SPTA1: variants seen among roughly 807,000 people sequenced by gnomAD.
SPTA1 encodes the protein spectrin alpha, erythrocytic 1.
SPTA1 carries 177 observed loss-of-function variants against 324.7 expected under a neutral mutation model. The ratio of observed to expected loss-of-function variants is 0.55; its 90% CI spans 0.48 to 0.62. SPTA1 has a LOEUF of 0.62. Among genes scored for constraint, SPTA1 ranks in the 20% least tolerant of loss-of-function variants. The probability of loss-of-function intolerance (pLI) is 0.00; values close to 1 mark genes in which losing one functional copy is unlikely to be tolerated. For missense variants in SPTA1, 3,162 were observed against 2,883.6 expected, an observed-to-expected ratio of 1.10 and a Z score of -2.21; for synonymous variants, 1,195 against 1,041.3, an observed-to-expected ratio of 1.15 and a Z score of -2.84.
Position 158,642,861 on chromosome 1 carries a change from G to T in SPTA1, c.4558C>A (p.Leu1520Met), listed in dbSNP as rs769304245. 5.0e-6 allele frequency: 8 copies of T among 1,613,756 alleles called. No individual in the cohort carries two copies. In the East Asian group the frequency reaches 1.6e-4, roughly 31 times the overall value. The change falls in exon 32 of 52, where the codon CTG becomes ATG. Residue 1520 changes from leucine (L) to methionine (M), a missense_variant. Physicochemically the swap from Leu to Met is conservative, Grantham distance 15. Transcript: ENST00000643759. ...TAGGATTCATCACAGGCTGTGGGCA[G>T]CATCTCACTGATCCATTCTTCCAGC... is the stretch of plus-strand genomic sequence containing the variant. ...EELEEWISEM[L>M]PTACDESYKD...
Position 158,643,356 on chromosome 1 carries a change from C to T in SPTA1, c.4408G>A (p.Glu1470Lys), listed in dbSNP as rs376552785. 2.1e-4 allele frequency: 344 copies of T among 1,613,830 alleles called. No homozygotes were observed. The highest frequency in any genetic ancestry group is 2.7e-4 in the Non-Finnish European group (315 of 1,179,928). The change falls in exon 31 of 52, where the codon GAG (glutamate) becomes AAG (lysine). Residue 1470 changes from glutamate to lysine, a missense_variant. Physicochemically the swap from Glu to Lys is moderately conservative, Grantham distance 56. Coordinates refer to ENST00000643759, the MANE Select transcript of SPTA1 (RefSeq NM_003126.4). Reference sequence around the variant, plus strand: ...ACACGTTGGAGCCGCGTAGCAATCTCTTCTTTGGCATAGTGTTCATCAGCA... The same window carrying T: ...ACACGTTGGAGCCGCGTAGCAATCTTTTCTTTGGCATAGTGTTCATCAGCA... ...LIADEHYAKE[E>K]IATRLQRVLD...
At chr1:158,683,553 T>C in intron 2 of SPTA1, 57 bp from the exon 3 acceptor site, 1 of 1,608,116 alleles carries the variant, frequency 6.2e-7, no homozygotes, top group Non-Finnish European at 8.5e-7. Context: ...ATGGGAAATG[T>C]TCACTCTATG....
At chr1:158,636,789 T>C (rs1651115233) in intron 36 of SPTA1, 28 bp from the exon 37 acceptor site, 7 of 1,613,320 alleles carry the variant, frequency 4.3e-6, no homozygotes, top group African/African-American at 4.0e-5. Context: ...AACAGAAAGT[T>C]TGGAGTCTAG....
intron 39 of SPTA1, among the ~76,000 whole-genome samples, chr1:158,633,661 GAA>G (rs1036389907): frequency 2.3e-4 from 14 of 61,224 alleles, no homozygotes; most frequent in South Asian, 5.7e-4. Context: ...ACTCTGTCTC[GAA>G]AAAAAAAAAA....
intron 23 of SPTA1, 49 bp from the exon 24 acceptor site, chr1:158,651,517 GT>G (rs1476056265): frequency 8.0e-7 from 1 of 1,251,732 alleles, no homozygotes; most frequent in Non-Finnish European, 1.2e-6. Flanking sequence ...CCAAAGCAGT[GT>G]AAATCCCCTC....
intron 17 of SPTA1, 132 bp from the exon 18 acceptor site, chr1:158,661,541 A>G (rs1320003781): frequency 1.7e-6 from 2 of 1,172,024 alleles, no homozygotes; most frequent in Non-Finnish European, 2.4e-6. Flanking sequence ...GATTCTTTAA[A>G]TTTATATCAT....
In SPTA1 at chr1:158,619,331, G is replaced by A. The variant is rs41273519; in HGVS notation, c.6421C>T (p.Arg2141Trp). The A allele has an allele frequency of 2.7e-3, 4,354 of 1,613,944 alleles. 8 individuals are homozygous for A. Among genetic ancestry groups the A allele is most frequent in the African/African-American group, 3.7e-3 (275 of 74,998 alleles). The change falls in exon 45 of 52, where the codon CGG becomes TGG. Residue 2141 changes from arginine to tryptophan, a missense_variant. Arg to Trp is a moderately radical substitution (Grantham distance 101, BLOSUM62 -3). Transcript: ENST00000643759. ...WKHLSDIIEEREQELQKEEAR... is the reference protein window; with the variant it reads ...WKHLSDIIEEWEQELQKEEAR... ...TCTTCCTTTTGCAGCTCCTGCTCCC[G>A]TTCCTAAAACCCCAAATCACAGACA...
At chr1:158,660,669 A>G (rs1012029953) in intron 18 of SPTA1, among the ~76,000 whole-genome samples, 5 of 152,200 alleles carry the variant, frequency 3.3e-5, no homozygotes, top group African/African-American at 9.6e-5. Flanking sequence ...ATTTTAACCT[A>G]TACTTTTGAA....
rs188875641 is a variant in SPTA1, at chr1:158,653,295, C to T, written c.3167G>A (p.Arg1056His). ...RREEPGNITQ[R>H]QEQIENQYRS... ...TTACTGGTTCTCAATCTGCTCCTGG[C>T]GCTGGGTGATGTTTCCTGGCTCTTC... The change falls in exon 22 of 52, where the codon CGC (arginine) becomes CAC (histidine). Residue 1056 changes from arginine to histidine, a missense_variant. Transcript: ENST00000643759. 7 of 1,614,096 alleles carry T rather than the reference C, an allele frequency of 4.3e-6. No homozygotes were observed. The highest frequency in any genetic ancestry group is 3.3e-5 in the South Asian group (3 of 91,070).
chr1:158,652,895 G>T (rs1469401866), intron 22 of SPTA1, among the ~76,000 whole-genome samples: 3 of 152,130 alleles, frequency 2.0e-5, no homozygotes, highest in Non-Finnish European at 4.4e-5. Context: ...TAGTATGACT[G>T]GCAACATTCC....
At chr1:158,632,082 G>T (rs1263934219) in intron 39 of SPTA1, among the ~76,000 whole-genome samples, 3 of 151,988 alleles carry the variant, frequency 2.0e-5, no homozygotes, top group Non-Finnish European at 2.9e-5. Context: ...AAAAAATGTG[G>T]TATATTCATT....
Position 158,666,378 on chromosome 1 carries a change from C to T in SPTA1, c.2158G>A (p.Ala720Thr), listed in dbSNP as rs1653603769. ...VTSEDYGKGLAEVQNRLRKHG... is the reference protein window; with the variant it reads ...VTSEDYGKGLTEVQNRLRKHG... Reference sequence around the variant, plus strand: ...TTCCTGAGTCGATTCTGTACCTCGGCCAGGCCTTTCCCATAATCCTCAGAG... The same window carrying T: ...TTCCTGAGTCGATTCTGTACCTCGGTCAGGCCTTTCCCATAATCCTCAGAG... The change falls in exon 16 of 52, where the codon GCC becomes ACC. Residue 720 changes from alanine (A) to threonine (T), a missense_variant. Transcript: ENST00000643759. The T allele has an allele frequency of 1.2e-6, 2 of 1,613,834 alleles. No individual in the cohort carries two copies. The highest frequency in any genetic ancestry group is 1.7e-6 in the Non-Finnish European group (2 of 1,179,992).
intron 20 of SPTA1, among the ~76,000 whole-genome samples, chr1:158,655,420 C>T (rs1652761521): frequency 6.6e-6 from 1 of 152,154 alleles, no homozygotes; most frequent in Non-Finnish European, 1.5e-5. Context: ...ACCCCTCTTC[C>T]TAAGGAATGA....
chr1:158,650,265 A>C (rs1652325241), intron 24 of SPTA1, among the ~76,000 whole-genome samples: 1 of 152,216 alleles, frequency 6.6e-6, no homozygotes, highest in Non-Finnish European at 1.5e-5. Flanking sequence ...GGTAGTTAGA[A>C]GTGATCACAT....
intron 17 of SPTA1, among the ~76,000 whole-genome samples, chr1:158,661,931 ACTT>A (rs1258923576): frequency 2.0e-5 from 3 of 152,200 alleles, no homozygotes; most frequent in Admixed American, 6.5e-5. Flanking sequence ...AACAATAAAT[ACTT>A]CTCACTGTGA....
intron 51 of SPTA1, 135 bp downstream of exon 51, chr1:158,612,682 T>C: frequency 1.1e-6 from 1 of 924,424 alleles, no homozygotes; most frequent in Non-Finnish European, 1.7e-6. Context: ...CCAAAGCAAA[T>C]GACATCTTGT....
chr1:158,670,125 T>C (rs529617179), intron 12 of SPTA1, among the ~76,000 whole-genome samples: 2 of 152,322 alleles, frequency 1.3e-5, no homozygotes, highest in South Asian at 2.1e-4. Context: ...TGTCCATCCA[T>C]CTATCTATCC....
At chr1:158,674,016 A>T (rs1424716919) in intron 10 of SPTA1, among the ~76,000 whole-genome samples, 5 of 152,192 alleles carry the variant, frequency 3.3e-5, no homozygotes, top group Non-Finnish European at 7.3e-5. Context: ...TTTACATTGT[A>T]TGAAGTATTA....
chr1:158,685,469 G>A, intron 1 of SPTA1, 122 bp from the exon 2 acceptor site: 1 of 1,377,582 alleles, frequency 7.3e-7, no homozygotes, highest in Non-Finnish European at 1.0e-6. Context: ...AAGTTTCTAG[G>A]GACTATTGTC....
Sources: allele counts gnomAD v4.1 joint callset (sites outside exome capture counted in the v4.1 genomes callset), GRCh38; gene constraint gnomAD v4.1.1; transcripts MANE v1.5; gene names NCBI Gene and HGNC (gene_info 2026-07-23, HGNC 2026-07-21).